Variants in VPS28 observed in about 807,000 individuals in gnomAD.
VPS28 encodes VPS28 subunit of ESCRT-I.
A neutral mutation model predicts 33.7 loss-of-function variants in VPS28; 29 were observed. That is an observed-to-expected ratio of 0.86 (90% CI 0.64 to 1.17). The LOEUF (loss-of-function observed/expected upper bound fraction) is 1.17, where lower values mean the gene tolerates loss of function less well. VPS28 is among the 50% of genes most tolerant of loss of function. The probability of loss-of-function intolerance (pLI) is 0.00; values close to 1 mark genes in which losing one functional copy is unlikely to be tolerated. For missense variants in VPS28, 247 were observed against 312.2 expected, an observed-to-expected ratio of 0.79 and a Z score of 1.57; for synonymous variants, 164 against 116.7, an observed-to-expected ratio of 1.40 and a Z score of -2.61.
Position 144,424,286 on chromosome 8 carries a change from C to T in VPS28, c.403-18G>A. On this transcript the variant is annotated intron_variant, in intron 7 of 9. Transcript: ENST00000292510. ...ATGAAGAGCTGGGGGCAGGTGTGCACATGAGGCTCGCGTGTCCACGGGTGC... is the reference window on the plus strand; with the variant it reads ...ATGAAGAGCTGGGGGCAGGTGTGCATATGAGGCTCGCGTGTCCACGGGTGC... 6.3e-7 allele frequency: 1 copy of T among 1,586,428 alleles called. No homozygotes were observed. The highest frequency in any genetic ancestry group is 8.6e-7 in the Non-Finnish European group (1 of 1,166,178).
At chr8:144,427,031 G>A in intron 1 of VPS28, 52 bp from the exon 2 acceptor site, 2 of 1,460,078 alleles carry the variant, frequency 1.4e-6, no homozygotes, top group Non-Finnish European at 1.9e-6. Context: ...GCCAGGCGCT[G>A]GCTCACACCT....
intron 4 of VPS28, 100 bp from the exon 5 acceptor site, chr8:144,425,872 C>T (rs1271607311): frequency 2.6e-6 from 4 of 1,568,570 alleles, no homozygotes; most frequent in Admixed American, 1.8e-5. Context: ...GCGCTCTGCC[C>T]ACCTCTTGCT....
intron 5 of VPS28, 78 bp from the exon 6 acceptor site, chr8:144,425,129 G>C: frequency 7.4e-7 from 1 of 1,344,846 alleles, no homozygotes; most frequent in South Asian, 1.3e-5. Context: ...TGGTCCAGAG[G>C]CAAAGCAGCT....
At chr8:144,427,927 C>T (rs1822906187) in intron 1 of VPS28, among the ~76,000 whole-genome samples, 1 of 151,764 alleles carries the variant, frequency 6.6e-6, no homozygotes, top group Non-Finnish European at 1.5e-5. Context: ...GAGGAGCGGG[C>T]CTGGCGGGCA....
chr8:144,423,692 A>C lies in VPS28; in HGVS notation c.*113T>G. The stretch of plus-strand genomic sequence containing the variant: ...CTGACACCAAAGACAGACACCAGAC[A>C]GGCAGCTGCAGACAGTGAGTTGTGT... On this transcript the variant is annotated 3_prime_UTR_variant, in exon 10 of 10. Transcript: ENST00000292510. 7.5e-7 allele frequency: 1 copy of C among 1,336,118 alleles called. No individual in the cohort carries two copies. Among genetic ancestry groups the C allele is most frequent in the Non-Finnish European group, 1.0e-6 (1 of 954,644 alleles). 82.8% of individuals were successfully genotyped at this position (1,336,118 alleles called of 1,614,324 possible). A position where few individuals can be genotyped will look rare whatever the true frequency, so the allele number is the denominator to read the frequency against.
chr8:144,425,229 G>A, intron 5 of VPS28, 178 bp from the exon 6 acceptor site: 2 of 619,324 alleles, frequency 3.2e-6, no homozygotes, highest in Non-Finnish European at 5.7e-6. Context: ...TGAGCACGTA[G>A]TGGGGCTTGT....
At chr8:144,427,418 G>A (rs997463388) in intron 1 of VPS28, 17 of 154,938 alleles carry the variant, frequency 1.1e-4, no homozygotes, top group Non-Finnish European at 1.4e-4. Flanking sequence ...TGAACACACA[G>A]GGTGCTATAG....
rs1822608186 is a variant in VPS28 at position 144,424,762 on chromosome 8, C to A, written c.358G>T (p.Asp120Tyr). ...CAGCGGTTGAGGTTGCCCTTGTCGT[C>A]CTTGATGGTGATGGGCCGGTCCTCC... Reference protein sequence around the residue: ...IKEDRPITIKDDKGNLNRCIA... With the variant: ...IKEDRPITIKYDKGNLNRCIA... Residue 120 changes from aspartate to tyrosine, a missense_variant, in exon 7 of 10, where the codon GAC becomes TAC. By Grantham distance (160) the Asp-to-Tyr change is radical. Transcript: ENST00000292510. The A allele has an allele frequency of 6.2e-7, 1 of 1,613,660 alleles. No homozygotes were observed. The highest frequency in any genetic ancestry group is 1.3e-5 in the African/African-American group (1 of 74,986).
intron 7 of VPS28, 48 bp from the exon 8 acceptor site, chr8:144,424,316 G>A (rs781825091): frequency 1.9e-6 from 3 of 1,540,342 alleles, no homozygotes; most frequent in East Asian, 2.3e-5. Context: ...GGGTGCGGGA[G>A]GCCCCACGGC....
In VPS28 at chr8:144,423,748, G is replaced by A. The variant is rs1554875758; in HGVS notation, c.*57C>T. The A allele has an allele frequency of 1.2e-6, 2 of 1,604,142 alleles. No individual in the cohort carries two copies. Among genetic ancestry groups the A allele is most frequent in the Non-Finnish European group, 1.7e-6 (2 of 1,173,624 alleles). On this transcript the variant is annotated 3_prime_UTR_variant, in exon 10 of 10. Coordinates refer to ENST00000292510, the MANE Select transcript of VPS28 (RefSeq NM_016208.4). The stretch of plus-strand genomic sequence containing the variant: ...ACCACGGCCTGTGTGGCGGACAGGG[G>A]ACCAGGAGCCATCGCCTCAGACTCT...
intron 5 of VPS28, 165 bp downstream of exon 5, chr8:144,425,518 A>G: frequency 1.5e-6 from 1 of 678,344 alleles, no homozygotes; most frequent in Non-Finnish European, 2.4e-6. Context: ...CTCCCTCACC[A>G]GCCCCCAGGA....
chr8:144,424,587 A>G, intron 7 of VPS28, 131 bp downstream of exon 7: 1 of 1,047,316 alleles, frequency 9.5e-7, no homozygotes, highest in Non-Finnish European at 1.4e-6. Context: ...ATTCCTAGTT[A>G]AAGGGGTTCC....
At chr8:144,425,818 C>T (rs782794091) in intron 4 of VPS28, 46 bp from the exon 5 acceptor site, 2 of 1,612,192 alleles carry the variant, frequency 1.2e-6, no homozygotes, top group Non-Finnish European at 1.7e-6. Flanking sequence ...GGTGCCAAGC[C>T]TAGAGCCCAG....
At position 144,426,802 on chromosome 8, in the gene VPS28, C is replaced by T. The variant is rs989735040; in HGVS notation, c.37+107G>A. 1.5e-5 allele frequency: 20 copies of T among 1,302,104 alleles called. No individual in the cohort carries two copies. In the East Asian group the frequency reaches 2.0e-4, roughly 13 times the overall value. The allele number at this position is 1,302,104 out of a possible 1,614,324, so 80.7% of individuals were successfully genotyped here. A position where few individuals can be genotyped will look rare whatever the true frequency, so the allele number is the denominator to read the frequency against. On this transcript the variant is annotated intron_variant, in intron 2 of 9. Transcript: ENST00000292510. Reference sequence around the variant, plus strand: ...GCCCCTGGCCACCCCCAAGGCTGTACGAGAGCAGGGTCAGATACCTCCCCA... The same window carrying T: ...GCCCCTGGCCACCCCCAAGGCTGTATGAGAGCAGGGTCAGATACCTCCCCA...
At chr8:144,425,194 C>A (rs1554876413) in intron 5 of VPS28, 143 bp from the exon 6 acceptor site, 8 of 707,392 alleles carry the variant, frequency 1.1e-5, no homozygotes, top group Non-Finnish European at 1.9e-5. Context: ...GGAGGGGCTG[C>A]TAGTAGCTTT....
At position 144,424,707 on chromosome 8, in the gene VPS28, C is replaced by T. The variant is rs1241061535; in HGVS notation, c.402+11G>A. 6.2e-7 allele frequency: 1 copy of T among 1,609,032 alleles called. No homozygotes were observed. The highest frequency in any genetic ancestry group is 1.1e-5 in the South Asian group (1 of 91,046). On this transcript the variant is annotated intron_variant, in intron 7 of 9. Coordinates refer to ENST00000292510, the MANE Select transcript of VPS28 (RefSeq NM_016208.4). ...CTCTCCTAACCACGTGCCCTGGGGG[C>T]TGGGGCGCACCGAGACCACGTCTGC...
rs202174009 is a variant in VPS28, at chr8:144,424,808, C to G, written c.312G>C (p.Pro104=). 11 of 1,613,872 alleles carry G rather than the reference C, an allele frequency of 6.8e-6. No individual in the cohort carries two copies. Among genetic ancestry groups the G allele is most frequent in the Non-Finnish European group, 7.6e-6 (9 of 1,179,988 alleles). The part of the protein sequence containing the change: ...EFCRKFRLDC[P]LAMERIKEDR... ...CCTCCTTGATCCGCTCCATGGCCAGCGGGCAGTCCAGCTGTTGGGGGTGAC... is the reference window on the plus strand; with the variant it reads ...CCTCCTTGATCCGCTCCATGGCCAGGGGGCAGTCCAGCTGTTGGGGGTGAC... The change falls in exon 7 of 10, where the codon CCG becomes CCC. Residue 104 remains proline, a synonymous_variant. Coordinates refer to ENST00000292510, the MANE Select transcript of VPS28 (RefSeq NM_016208.4).
chr8:144,426,911 C>A lies in VPS28; in HGVS notation c.35G>T (p.Gly12Val). The change falls in exon 2 of 10, where the codon GGA (glycine) becomes GTA (valine). Residue 12 changes from glycine to valine, a missense_variant and splice_region_variant. Coordinates refer to ENST00000292510, the MANE Select transcript of VPS28 (RefSeq NM_016208.4). ...FHGIPATPGIGAPGNKPELYE... is the reference protein window; with the variant it reads ...FHGIPATPGIVAPGNKPELYE... ...TGCGCCCTTCCAGCCACACTCACCT[C>A]CTATGCCCGGCGTGGCTGGGATCCC... The A allele has an allele frequency of 1.9e-6, 3 of 1,612,734 alleles. No homozygotes were observed. Among genetic ancestry groups the A allele is most frequent in the Admixed American group, 1.7e-5 (1 of 59,974 alleles).
chr8:144,425,840 C>G (rs1822694376), intron 4 of VPS28, 68 bp from the exon 5 acceptor site: 4 of 1,602,186 alleles, frequency 2.5e-6, no homozygotes, highest in African/African-American at 2.7e-5. Context: ...GTGCTACCCC[C>G]TGCCCGGAGG....
Sources: allele counts gnomAD v4.1 joint callset (sites outside exome capture counted in the v4.1 genomes callset), GRCh38; gene constraint gnomAD v4.1.1; transcripts MANE v1.5; gene names NCBI Gene and HGNC (gene_info 2026-07-23, HGNC 2026-07-21).